CHPF2: variants seen among roughly 807,000 people sequenced by gnomAD.
The protein encoded by CHPF2 is chondroitin polymerizing factor 2, non-catalytic subunit.
In CHPF2, 58 loss-of-function variants were observed where a neutral mutation model predicts 63.0. That is an observed-to-expected ratio of 0.92 (90% confidence interval 0.75 to 1.15). CHPF2 has a LOEUF of 1.15. CHPF2 is among the 50% of genes most tolerant of loss of function. The pLI is 0.00. For synonymous variants in CHPF2, 442 were observed against 438.0 expected (o/e 1.01, Z -0.11); for missense variants, 1,045 against 1,035.4 (o/e 1.01, Z -0.13).
At chr7:151,237,130 A>C (rs1168998125) in intron 3 of CHPF2, 1 of 630,388 alleles carries the variant, frequency 1.6e-6, no homozygotes, top group Non-Finnish European at 2.9e-6. Context: ...TTACCTGTGC[A>C]AAAAGCACAT....
chr7:151,237,127 T>A (rs1470770624), intron 3 of CHPF2: 1 of 629,554 alleles, frequency 1.6e-6, no homozygotes, highest in Non-Finnish European at 2.9e-6. Context: ...CTTTTACCTG[T>A]GCAAAAAGCA....
rs752309824 is a variant in CHPF2, at chr7:151,238,267, A to AC, written c.1910dup (p.Gly638ArgfsTer8). ...ATCCTGCCCTGTCACCACAGAGATC[A>AC]CCCCCAGGGCCCCCGGGGGCTGGCC... On this transcript the variant is annotated frameshift_variant, in exon 4 of 4. Coordinates refer to ENST00000035307, the MANE Select transcript of CHPF2 (RefSeq NM_019015.3). LOFTEE classifies it high-confidence loss of function. The AC allele has an allele frequency of 6.2e-7, 1 of 1,611,212 alleles. No individual in the cohort carries two copies. Among genetic ancestry groups the AC allele is most frequent in the South Asian group, 1.1e-5 (1 of 91,012 alleles).
At chr7:151,234,371 G>A (rs1406950622) in intron 1 of CHPF2, 97 bp downstream of exon 1, 11 of 867,018 alleles carry the variant, frequency 1.3e-5, no homozygotes, top group Non-Finnish European at 1.6e-6. Flanking sequence ...TCGGCGTCGG[G>A]CGACTTGGAG....
In CHPF2 at chr7:151,233,068, C is replaced by A; in HGVS notation, c.-944C>A. On this transcript the variant is annotated 5_prime_UTR_variant, in exon 1 of 4. Transcript: ENST00000035307. ...AGCTGGCCGCGCTTCTGTTTGCGTT[C>A]CCAGGACCCTGGCATTGTCTCTAGT... 1 of 1,249,544 alleles carries A rather than the reference C, an allele frequency of 8.0e-7. No homozygotes were observed. Among genetic ancestry groups the A allele is most frequent in the Non-Finnish European group, 1.0e-6 (1 of 995,658 alleles). The allele number at this position is 1,249,544 out of a possible 1,614,324, so 77.4% of individuals were successfully genotyped here.
Position 151,238,005 on chromosome 7 carries a change from C to T in CHPF2, c.1643C>T (p.Ala548Val), listed in dbSNP as rs968379464. 6.2e-7 allele frequency: 1 copy of T among 1,613,076 alleles called. No individual in the cohort carries two copies. The highest frequency in any genetic ancestry group is 8.5e-7 in the Non-Finnish European group (1 of 1,180,038). ...APDPFLGVKAAAAELERRYPG... is the reference protein window; with the variant it reads ...APDPFLGVKAVAAELERRYPG... ...GACCCATTTCTTGGGGTGAAGGCTGCAGCAGCGGAGTTAGAGCGACGGTAC... is the reference window on the plus strand; with the variant it reads ...GACCCATTTCTTGGGGTGAAGGCTGTAGCAGCGGAGTTAGAGCGACGGTAC... Residue 548 changes from alanine (A) to valine (V), a missense_variant, in exon 4 of 4, where the codon GCA becomes GTA. Transcript: ENST00000035307.
In CHPF2 at chr7:151,233,137, C is replaced by G. The variant is rs1051738700; in HGVS notation, c.-875C>G. The G allele has an allele frequency of 1.8e-6, 2 of 1,105,228 alleles. No homozygotes were observed. Among genetic ancestry groups the G allele is most frequent in the Non-Finnish European group, 2.2e-6 (2 of 906,938 alleles). 68.5% of individuals were successfully genotyped at this position (1,105,228 alleles called of 1,614,324 possible). A position where few individuals can be genotyped will look rare whatever the true frequency, so the allele number is the denominator to read the frequency against. On this transcript the variant is annotated 5_prime_UTR_variant, in exon 1 of 4. Coordinates refer to ENST00000035307, the MANE Select transcript of CHPF2 (RefSeq NM_019015.3). ...TTTGCTTTTGGTTTGCTTCATTTGG[C>G]CCCTGGGGCCCTGGTAAAACCAGGC...
intron 1 of CHPF2, among the ~76,000 whole-genome samples, chr7:151,234,663 G>A (rs1802577419): frequency 6.6e-6 from 1 of 152,064 alleles, no homozygotes; most frequent in Admixed American, 6.6e-5. Flanking sequence ...AGCTAATTTT[G>A]TATTTTTAGT....
At position 151,235,243 on chromosome 7, in the gene CHPF2, T is replaced by TGAGCGGC; in HGVS notation, c.460_466dup (p.Pro156ArgfsTer31). On this transcript the variant is annotated frameshift_variant, in exon 2 of 4. Coordinates refer to ENST00000035307, the MANE Select transcript of CHPF2 (RefSeq NM_019015.3). LOFTEE classifies it high-confidence loss of function. Reference sequence around the variant, plus strand: ...GGATGCAGGTGGTGTCTCATGGGGATGAGCGGCCCGCCTGGCTCATGTCAG... The same window carrying TGAGCGGC: ...GGATGCAGGTGGTGTCTCATGGGGATGAGCGGCGAGCGGCCCGCCTGGCTCATGTCAG... The TGAGCGGC allele has an allele frequency of 1.2e-6, 2 of 1,613,116 alleles. No homozygotes were observed. Among genetic ancestry groups the TGAGCGGC allele is most frequent in the Non-Finnish European group, 1.7e-6 (2 of 1,179,424 alleles).
In CHPF2 at chr7:151,237,753, G is replaced by A. The variant is rs373790740; in HGVS notation, c.1391G>A (p.Arg464His). Residue 464 changes from arginine (R) to histidine (H), a missense_variant, in exon 4 of 4, where the codon CGC becomes CAC. Coordinates refer to ENST00000035307, the MANE Select transcript of CHPF2 (RefSeq NM_019015.3). ...CGTGGGCACCGGCGGGCCCTGGCTC[G>A]CAGGGTCAGCCTGCTGCGGCCACTG... Reference protein sequence around the residue: ...TQRGHRRALARRVSLLRPLSR... With the variant: ...TQRGHRRALAHRVSLLRPLSR... 28 of 1,612,176 alleles carry A rather than the reference G, an allele frequency of 1.7e-5. No homozygotes were observed. In the African/African-American group the frequency reaches 2.1e-4, roughly 12 times the overall value.
Position 151,238,321 on chromosome 7 carries a change from C to A in CHPF2, c.1959C>A (p.Asp653Glu), listed in dbSNP as rs534743195. ...ACCCCCCCTCCCCTCCTGGTGCTGA[C>A]CCCTCCCGGGGGGCTCCTATAGGGG... is the stretch of plus-strand genomic sequence containing the variant. Reference protein sequence around the residue: ...GPDPPSPPGADPSRGAPIGGR... With the variant: ...GPDPPSPPGAEPSRGAPIGGR... The change falls in exon 4 of 4, where the codon GAC becomes GAA. Residue 653 changes from aspartate to glutamate, a missense_variant. Coordinates refer to ENST00000035307, the MANE Select transcript of CHPF2 (RefSeq NM_019015.3). 1 of 1,610,018 alleles carries A rather than the reference C, an allele frequency of 6.2e-7. No individual in the cohort carries two copies. Among genetic ancestry groups the A allele is most frequent in the Non-Finnish European group, 8.5e-7 (1 of 1,178,206 alleles).
At chr7:151,234,299 C>T in intron 1 of CHPF2, 25 bp downstream of exon 1, 2 of 1,477,104 alleles carry the variant, frequency 1.4e-6, no homozygotes, top group Non-Finnish European at 1.8e-6. Context: ...TGTGCATAGT[C>T]CCCAGACACT....
In CHPF2 at chr7:151,238,520, G is replaced by T. The variant is rs372013008; in HGVS notation, c.2158G>T (p.Val720Leu). Residue 720 changes from valine (V) to leucine (L), a missense_variant, in exon 4 of 4, where the codon GTA becomes TTA. Physicochemically the swap from Val to Leu is conservative, Grantham distance 32. Transcript: ENST00000035307. The stretch of plus-strand genomic sequence containing the variant: ...CTCAGGGCTCCACCTCTTTCGGGCC[G>T]TAGAGCCAGGGCTGGTGCAGAAGTT... ...RFSGLHLFRAVEPGLVQKFSL... is the reference protein window; with the variant it reads ...RFSGLHLFRALEPGLVQKFSL... The T allele has an allele frequency of 6.2e-7, 1 of 1,605,208 alleles. No individual in the cohort carries two copies.
chr7:151,235,887 C>T (rs1242412027), intron 2 of CHPF2, among the ~76,000 whole-genome samples: 2 of 152,250 alleles, frequency 1.3e-5, no homozygotes, highest in African/African-American at 4.8e-5. Context: ...CCGACATCCA[C>T]ACTTCAGTTA....
In CHPF2 at chr7:151,233,420, A is replaced by G; in HGVS notation, c.-592A>G. The G allele has an allele frequency of 1.0e-6, 1 of 985,664 alleles. No homozygotes were observed. Among genetic ancestry groups the G allele is most frequent in the Non-Finnish European group, 1.2e-6 (1 of 830,118 alleles). The allele number at this position is 985,664 out of a possible 1,614,324, so 61.1% of individuals were successfully genotyped here. Reference sequence around the variant, plus strand: ...CTCAAACACGGGGAGCAGAGTAGAAAGAGGCTCTGGCCCCTTCCCTTGTGC... The same window carrying G: ...CTCAAACACGGGGAGCAGAGTAGAAGGAGGCTCTGGCCCCTTCCCTTGTGC... On this transcript the variant is annotated 5_prime_UTR_variant, in exon 1 of 4. Coordinates refer to ENST00000035307, the MANE Select transcript of CHPF2 (RefSeq NM_019015.3).
intron 1 of CHPF2, among the ~76,000 whole-genome samples, chr7:151,234,757 C>T (rs1004655575): frequency 2.6e-5 from 4 of 152,146 alleles, no homozygotes; most frequent in African/African-American, 4.8e-5. Context: ...TCCCAAAGTG[C>T]TGGGATTACA....
In CHPF2 at chr7:151,236,436, C is replaced by T; in HGVS notation, c.857C>T (p.Ala286Val). Residue 286 changes from alanine to valine, a missense_variant, in exon 3 of 4, where the codon GCC (alanine) becomes GTC (valine). Physicochemically the swap from Ala to Val is moderately conservative, Grantham distance 64. Coordinates refer to ENST00000035307, the MANE Select transcript of CHPF2 (RefSeq NM_019015.3). ...QGQQYRSFEL[A>V]KNRDPEKEGS... Reference sequence around the variant, plus strand: ...CAGCAGTATCGCTCATTTGAACTGGCCAAAAATAGGGACCCTGAGAAGGAA... The same window carrying T: ...CAGCAGTATCGCTCATTTGAACTGGTCAAAAATAGGGACCCTGAGAAGGAA... 6.3e-7 allele frequency: 1 copy of T among 1,597,026 alleles called. No homozygotes were observed. Among genetic ancestry groups the T allele is most frequent in the African/African-American group, 1.3e-5 (1 of 74,612 alleles).
chr7:151,237,215 A>G (rs1339331485), intron 3 of CHPF2, 159 bp from the exon 4 acceptor site: 3 of 615,820 alleles, frequency 4.9e-6, no homozygotes, highest in African/African-American at 3.7e-5. Flanking sequence ...GAGGTGAAGA[A>G]TAACGTACAA....
chr7:151,234,920 A>G lies in CHPF2; in HGVS notation c.264-128A>G, dbSNP rs575239148. 14 of 664,318 alleles carry G rather than the reference A, an allele frequency of 2.1e-5. No individual in the cohort carries two copies. In the African/African-American group the frequency reaches 2.3e-4, roughly 11 times the overall value. The allele number at this position is 664,318 out of a possible 1,614,324, so 41.2% of individuals were successfully genotyped here. A position where few individuals can be genotyped will look rare whatever the true frequency, so the allele number is the denominator to read the frequency against. Reference sequence around the variant, plus strand: ...GGATACTCAGTTCAGTACCTAATTAATATTGACAAGGAAGGAAGTTTCTCC... The same window carrying G: ...GGATACTCAGTTCAGTACCTAATTAGTATTGACAAGGAAGGAAGTTTCTCC... On this transcript the variant is annotated intron_variant, in intron 1 of 3. Coordinates refer to ENST00000035307, the MANE Select transcript of CHPF2 (RefSeq NM_019015.3).
chr7:151,236,172 T>C (rs2487155), intron 2 of CHPF2, among the ~76,000 whole-genome samples: 62,009 of 152,134 alleles, frequency 0.41, 13,047 homozygotes, highest in East Asian at 0.72. Context: ...AGGGCTAGCC[T>C]GTAAGCAATG....
Sources: gnomAD v4.1 joint callset for allele counts (sites outside exome capture counted in the v4.1 genomes callset) on GRCh38, gnomAD v4.1.1 for gene constraint, MANE v1.5 for transcripts, NCBI Gene and HGNC (gene_info 2026-07-23, HGNC 2026-07-21) for gene names.